KRT5: variants seen among roughly 807,000 people sequenced by gnomAD.
The protein encoded by KRT5 is keratin 5.
In KRT5, 17 loss-of-function variants were observed where a neutral mutation model predicts 44.0. That is an observed-to-expected ratio of 0.39 (90% CI 0.26 to 0.58). The LOEUF is 0.58. KRT5 is among the 20% of genes least tolerant of loss of function. KRT5 has a pLI of 0.61. For synonymous variants in KRT5, 329 were observed against 312.8 expected, an observed-to-expected ratio of 1.05 and a Z score of -0.55; for missense variants, 737 against 785.5, an observed-to-expected ratio of 0.94 and a Z score of 0.74.
In KRT5 at chr12:52,516,839, C is replaced by A. The variant is rs757819698; in HGVS notation, c.1237G>T (p.Ala413Ser). The A allele has an allele frequency of 6.2e-7, 1 of 1,614,176 alleles. No homozygotes were observed. The highest frequency in any genetic ancestry group is 1.3e-5 in the African/African-American group (1 of 75,036). ...CCACGCTGCTCGGCATCCGCAATGG[C>A]GTTCTGCAGATTGGCGCACTACAGA... is the stretch of plus-strand genomic sequence containing the variant. The part of the protein sequence containing the change: ...VKKQCANLQN[A>S]IADAEQRGEL... Residue 413 changes from alanine to serine, a missense_variant, in exon 7 of 9, where the codon GCC becomes TCC. Transcript: ENST00000252242.
intron 3 of KRT5, 45 bp downstream of exon 3, chr12:52,518,058 G>C (rs1938644393): frequency 6.2e-7 from 1 of 1,612,610 alleles, no homozygotes; most frequent in East Asian, 2.2e-5. Context: ...TCCACGCTTA[G>C]AGAGCATAGC....
intron 2 of KRT5, 92 bp downstream of exon 2, chr12:52,518,854 A>G: frequency 6.7e-7 from 1 of 1,494,760 alleles, no homozygotes; most frequent in Admixed American, 1.7e-5. Flanking sequence ...TCCCAGCCCC[A>G]AAGGAAGGCA....
In KRT5 at chr12:52,515,151, C is replaced by T; in HGVS notation, c.1564G>A (p.Gly522Arg). 3 of 1,610,530 alleles carry T rather than the reference C, an allele frequency of 1.9e-6. No homozygotes were observed. The highest frequency in any genetic ancestry group is 2.5e-6 in the Non-Finnish European group (3 of 1,178,652). ...LGGGLGGGLG[G>R]GLAGGSSGSY... ...CCACTGCTACCTCCGGCAAGACCTC[C>T]ACCGAGGCCGCCGCCAAGACCTCCA... is the stretch of plus-strand genomic sequence containing the variant. Residue 522 changes from glycine (G) to arginine (R), a missense_variant, in exon 9 of 9, where the codon GGA becomes AGA. By Grantham distance (125) the Gly-to-Arg change is moderately radical. Coordinates refer to ENST00000252242, the MANE Select transcript of KRT5 (RefSeq NM_000424.4).
At chr12:52,517,320 G>T in intron 5 of KRT5, 88 bp from the exon 6 acceptor site, 1 of 1,505,482 alleles carries the variant, frequency 6.6e-7, no homozygotes, top group Non-Finnish European at 9.2e-7. Context: ...GTACTAAGTG[G>T]TGGCAAATAG....
At position 52,516,800 on chromosome 12, in the gene KRT5, T is replaced by C. The variant is rs1565592769; in HGVS notation, c.1276A>G (p.Lys426Glu). The C allele has an allele frequency of 6.2e-7, 1 of 1,614,186 alleles. No homozygotes were observed. Among genetic ancestry groups the C allele is most frequent in the Admixed American group, 1.7e-5 (1 of 60,020 alleles). ...DAEQRGELAL[K>E]DARNKLAELE... ...TCGGCCAGCTTGTTCCTGGCATCCT[T>C]GAGGGCCAGCTCCCCACGCTGCTCG... Residue 426 changes from lysine to glutamate, a missense_variant, in exon 7 of 9, where the codon AAG becomes GAG. Transcript: ENST00000252242.
rs267607657 is a variant in KRT5, at chr12:52,519,915, C to T, written c.382G>A (p.Gly128Ser). Residue 128 changes from glycine to serine, a missense_variant, in exon 1 of 9, where the codon GGT (glycine) becomes AGT (serine). Coordinates refer to ENST00000252242, the MANE Select transcript of KRT5 (RefSeq NM_000424.4). ...GGGAGFGGGF[G>S]GPGFPVCPPG... ...GGGCAGACAGGAAAGCCAGGGCCACCGAAGCCACCTCCAAAGCCAGCTCCG... is the reference window on the plus strand; with the variant it reads ...GGGCAGACAGGAAAGCCAGGGCCACTGAAGCCACCTCCAAAGCCAGCTCCG... 3.3e-5 allele frequency: 53 copies of T among 1,613,926 alleles called. No homozygotes were observed. The highest frequency in any genetic ancestry group is 9.3e-5 in the African/African-American group (7 of 74,930).
At chr12:52,518,331 C>T in intron 2 of KRT5, 168 bp from the exon 3 acceptor site, 1 of 712,502 alleles carries the variant, frequency 1.4e-6, no homozygotes, top group South Asian at 1.5e-5. Flanking sequence ...AGGTCCCTCC[C>T]CATTTAAATA....
chr12:52,516,059 T>C (rs1205048899), intron 7 of KRT5: 2 of 598,738 alleles, frequency 3.3e-6, no homozygotes, highest in Non-Finnish European at 5.9e-6. Flanking sequence ...ATTCACATTC[T>C]TCTCCACCCA....
chr12:52,517,167 G>C lies in KRT5; in HGVS notation c.1158C>G (p.Ile386Met). 1 of 1,614,106 alleles carries C rather than the reference G, an allele frequency of 6.2e-7. No individual in the cohort carries two copies. Among genetic ancestry groups the C allele is most frequent in the Non-Finnish European group, 8.5e-7 (1 of 1,179,998 alleles). ...TCTGGATCATCCGGTTCATCTCAGA[G>C]ATCTCATGCTTGGTGTTGCGGAGGT... ...GDDLRNTKHE[I>M]SEMNRMIQRL... The change falls in exon 6 of 9, where the codon ATC (isoleucine) becomes ATG (methionine). Residue 386 changes from isoleucine to methionine, a missense_variant. By Grantham distance (10) the Ile-to-Met change is conservative (BLOSUM62 1). Coordinates refer to ENST00000252242, the MANE Select transcript of KRT5 (RefSeq NM_000424.4).
chr12:52,517,365 T>C, intron 5 of KRT5, 133 bp from the exon 6 acceptor site: 1 of 1,153,396 alleles, frequency 8.7e-7, no homozygotes, highest in Non-Finnish European at 1.3e-6. Context: ...AAGGCTGAGC[T>C]AGTCTAGTGC....
chr12:52,519,815 A>C lies in KRT5; in HGVS notation c.482T>G (p.Ile161Ser), dbSNP rs58058996. The change falls in exon 1 of 9, where the codon ATC (isoleucine) becomes AGC (serine). Residue 161 changes from isoleucine to serine, a missense_variant. By Grantham distance (142) the Ile-to-Ser change is moderately radical. Transcript: ENST00000252242. ...GCGCTCCTCGGTCCTCACCCTCTGG[A>C]TGCTGGGGTCGATTTGCAGGTTGAG... ...TPLNLQIDPS[I>S]QRVRTEEREQ... 2 of 1,613,920 alleles carry C rather than the reference A, an allele frequency of 1.2e-6. No homozygotes were observed. The highest frequency in any genetic ancestry group is 1.7e-6 in the Non-Finnish European group (2 of 1,179,992).
chr12:52,516,192 C>T (rs1485512261), intron 7 of KRT5: 5 of 437,516 alleles, frequency 1.1e-5, no homozygotes, highest in Non-Finnish European at 2.1e-5. Flanking sequence ...AGAAAGTAGG[C>T]AATGGGCAAT....
chr12:52,516,292 AGGGGTACTGGAG>A, intron 7 of KRT5: 1 of 396,152 alleles, frequency 2.5e-6, no homozygotes, highest in South Asian at 2.4e-5. Flanking sequence ...TCCTGAAGGA[AGGGGTACTGGAG>A]GACAAGGGTG....
At position 52,514,906 on chromosome 12, in the gene KRT5, T is replaced by G. The variant is rs746317574; in HGVS notation, c.*36A>C. ...AAGAGGCAATCTCCATGGGCTGGGT[T>G]GCTGCACTTGGAAGGCAGTGACTTG... On this transcript the variant is annotated 3_prime_UTR_variant, in exon 9 of 9. Coordinates refer to ENST00000252242, the MANE Select transcript of KRT5 (RefSeq NM_000424.4). 18 of 1,574,578 alleles carry G rather than the reference T, an allele frequency of 1.1e-5. No individual in the cohort carries two copies. Among genetic ancestry groups the G allele is most frequent in the Non-Finnish European group, 1.5e-5 (17 of 1,144,794 alleles).
intron 7 of KRT5, chr12:52,516,319 G>A (rs1480376988): frequency 4.7e-6 from 2 of 423,812 alleles, no homozygotes; most frequent in Non-Finnish European, 8.8e-6. Flanking sequence ...AGGGTGGATG[G>A]AGGTGGGCAT....
intron 2 of KRT5, chr12:52,518,558 TA>T (rs1938655482): frequency 1.9e-6 from 1 of 540,164 alleles, no homozygotes; most frequent in African/African-American, 1.9e-5. Flanking sequence ...TTCATAAGAC[TA>T]AAGAAATTAC....
In KRT5 at chr12:52,516,850, T is replaced by G. The variant is rs779770273; in HGVS notation, c.1226A>C (p.Asn409Thr). 1.5e-5 allele frequency: 24 copies of G among 1,614,168 alleles called. No homozygotes were observed. The highest frequency in any genetic ancestry group is 4.5e-5 in the East Asian group (2 of 44,886). Reference sequence around the variant, plus strand: ...GGCATCCGCAATGGCGTTCTGCAGATTGGCGCACTACAGATAGAAAGGAGG... The same window carrying G: ...GGCATCCGCAATGGCGTTCTGCAGAGTGGCGCACTACAGATAGAAAGGAGG... Reference protein sequence around the residue: ...EIDNVKKQCANLQNAIADAEQ... With the variant: ...EIDNVKKQCATLQNAIADAEQ... The change falls in exon 7 of 9, where the codon AAT becomes ACT. Residue 409 changes from asparagine to threonine, a missense_variant. Asn to Thr is a moderately conservative substitution (Grantham distance 65). Coordinates refer to ENST00000252242, the MANE Select transcript of KRT5 (RefSeq NM_000424.4).
At chr12:52,515,339 C>T in intron 8 of KRT5, 99 bp from the exon 9 acceptor site, 1 of 1,527,928 alleles carries the variant, frequency 6.5e-7, no homozygotes, top group Non-Finnish European at 9.0e-7. Context: ...CTCTACTGGA[C>T]CCCCTTTACA....
At chr12:52,519,664 A>G in intron 1 of KRT5, 78 bp downstream of exon 1, 1 of 1,468,138 alleles carries the variant, frequency 6.8e-7, no homozygotes, top group Non-Finnish European at 9.5e-7. Context: ...GCACAAAGCC[A>G]AAACATCTTC....
Sources: gnomAD v4.1 joint callset for allele counts on GRCh38, gnomAD v4.1.1 for gene constraint, MANE v1.5 for transcripts, NCBI Gene and HGNC (gene_info 2026-07-23, HGNC 2026-07-21) for gene names.